The following RABGAP1L variants were observed in gnomAD, a reference collection of about 807,000 sequenced individuals.
RABGAP1L encodes the protein RAB GTPase activating protein 1 like, also known as rab GTPase-activating protein 1-like.
In RABGAP1L, 63 loss-of-function variants were observed where a neutral mutation model predicts 137.7. The ratio of observed to expected loss-of-function variants is 0.46; its 90% CI spans 0.37 to 0.56. RABGAP1L has a LOEUF of 0.56. Ranked by LOEUF, RABGAP1L falls within the 20% of genes least tolerant of loss-of-function variation. The pLI is 0.00. For synonymous variants in RABGAP1L, 431 were observed against 433.7 expected, an observed-to-expected ratio of 0.99 and a Z score of 0.08; for missense variants, 1,095 against 1,244.0, an observed-to-expected ratio of 0.88 and a Z score of 1.80.
chr1:174,315,325 C>T (rs985680177), intron 11 of RABGAP1L, among the ~76,000 whole-genome samples: 1 of 151,750 alleles, frequency 6.6e-6, no homozygotes, highest in African/African-American at 2.4e-5. Flanking sequence ...TGTTTGTTTT[C>T]TTGTTTCAGT....
chr1:174,891,603 T>A (rs542937832), intron 19 of RABGAP1L, among the ~76,000 whole-genome samples: 7 of 152,110 alleles, frequency 4.6e-5, no homozygotes, highest in Non-Finnish European at 8.8e-5. Context: ...AATTCCAGGT[T>A]TGATCCTCCC....
Position 174,448,803 on chromosome 1 carries a change from G to T in RABGAP1L, c.1710+54658G>T. 1 of 1,613,870 alleles carries T rather than the reference G, an allele frequency of 6.2e-7. No individual in the cohort carries two copies. ...TACTTCCACATTTTCAAAATTTGCCGTCAGCACACCAAAGAGATAAATGAC... is the reference window on the plus strand; with the variant it reads ...TACTTCCACATTTTCAAAATTTGCCTTCAGCACACCAAAGAGATAAATGAC... On this transcript the variant is annotated intron_variant, in intron 13 of 25. Transcript: ENST00000681986. This position sits in a 1 kb window ranked among gnomAD's most constrained non-coding sequence, Gnocchi z 4.2.
At chr1:174,370,087 C>T (rs371707735) in intron 11 of RABGAP1L, among the ~76,000 whole-genome samples, 15 of 152,136 alleles carry the variant, frequency 9.9e-5, no homozygotes, top group African/African-American at 3.6e-4. Flanking sequence ...CACAGATCCC[C>T]GTGGGAGCCA....
At chr1:174,929,726 T>C (rs560243403) in intron 19 of RABGAP1L, among the ~76,000 whole-genome samples, 1 of 149,018 alleles carries the variant, frequency 6.7e-6, no homozygotes, top group African/African-American at 2.5e-5. Flanking sequence ...CCAGCCTGGG[T>C]GACAGAGGGA....
At chr1:174,663,632 T>C (rs1676552947) in intron 14 of RABGAP1L, among the ~76,000 whole-genome samples, 1 of 152,212 alleles carries the variant, frequency 6.6e-6, no homozygotes, top group African/African-American at 2.4e-5. Context: ...TCCTCATTAT[T>C]TACAGATTCT....
intron 14 of RABGAP1L, among the ~76,000 whole-genome samples, chr1:174,664,730 C>CTTTT (rs747671420): frequency 0.044 from 4,315 of 97,924 alleles, 341 homozygotes; most frequent in Non-Finnish European, 0.053. Flanking sequence ...TTTCTTTCTG[C>CTTTT]TTTCTTTTTT....
At chr1:174,490,146 T>TA (rs1660084356) in intron 13 of RABGAP1L, among the ~76,000 whole-genome samples, 1 of 152,080 alleles carries the variant, frequency 6.6e-6, no homozygotes, top group South Asian at 2.1e-4. Context: ...TGGTTGTAGA[T>TA]ATTCTTTGGT....
chr1:174,165,716 C>T (rs1268584770), intron 1 of RABGAP1L, among the ~76,000 whole-genome samples: 1 of 151,136 alleles, frequency 6.6e-6, no homozygotes, highest in Non-Finnish European at 1.5e-5. Flanking sequence ...CCAGGCTGTT[C>T]TTGAACTTCT....
intron 13 of RABGAP1L, among the ~76,000 whole-genome samples, chr1:174,593,248 TTC>T: frequency 2.6e-5 from 1 of 38,458 alleles, no homozygotes; most frequent in Non-Finnish European, 4.4e-5. Flanking sequence ...CTCTCTTTTT[TTC>T]TTTATTAGTC....
intron 19 of RABGAP1L, among the ~76,000 whole-genome samples, chr1:174,913,527 G>A (rs1460208182): frequency 1.3e-5 from 2 of 152,124 alleles, no homozygotes; most frequent in Non-Finnish European, 2.9e-5. Flanking sequence ...AATATGTTTA[G>A]CAAAGCCTTA....
rs1025231390 is a variant in RABGAP1L, at chr1:174,694,085, G to A, written c.1900-5440G>A. Among the ~76,000 whole-genome samples the A allele has an allele frequency of 2.0e-5, 3 of 152,052 alleles. No individual in the cohort carries two copies. The East Asian group carries it at 5.8e-4, about 29-fold the overall frequency. The stretch of plus-strand genomic sequence containing the variant: ...TACATTGTATTAAGTATTATAAAGA[G>A]ATGATTTAAAGTAGATTACTAAAAT... On this transcript the variant is annotated intron_variant, in intron 15 of 25. Coordinates refer to ENST00000681986, the MANE Select transcript of RABGAP1L (RefSeq NM_001366446.1).
At chr1:174,989,774 G>A in intron 25 of RABGAP1L, 75 bp from the exon 26 acceptor site, 1 of 1,477,736 alleles carries the variant, frequency 6.8e-7, no homozygotes, top group Admixed American at 2.1e-5. Context: ...ACTCCAAAAA[G>A]CTGCACACTT....
intron 14 of RABGAP1L, among the ~76,000 whole-genome samples, chr1:174,682,970 T>C (rs893781119): frequency 6.6e-6 from 1 of 152,070 alleles, no homozygotes; most frequent in Non-Finnish European, 1.5e-5. Flanking sequence ...GTGGTATAGA[T>C]TGGAGAACCA....
intron 24 of RABGAP1L, among the ~76,000 whole-genome samples, chr1:174,986,890 TTTTAATCA>T (rs1343994093): frequency 6.6e-6 from 1 of 152,226 alleles, no homozygotes; most frequent in Non-Finnish European, 1.5e-5. Context: ...CTTGGTAAAC[TTTTAATCA>T]TTTAAGACTC....
intron 13 of RABGAP1L, among the ~76,000 whole-genome samples, chr1:174,616,796 C>T (rs543909212): frequency 1.6e-4 from 24 of 152,308 alleles, no homozygotes; most frequent in South Asian, 6.2e-4. Flanking sequence ...ACCAGTAATT[C>T]TCAAGTAACA....
At chr1:174,309,654 T>C (rs1055538119) in intron 11 of RABGAP1L, among the ~76,000 whole-genome samples, 5 of 152,156 alleles carry the variant, frequency 3.3e-5, no homozygotes, top group Non-Finnish European at 5.9e-5. Context: ...ATGCATTACA[T>C]TTACAGATTT....
chr1:174,403,629 A>G (rs1648905987), intron 13 of RABGAP1L, among the ~76,000 whole-genome samples: 1 of 152,150 alleles, frequency 6.6e-6, no homozygotes, highest in Non-Finnish European at 1.5e-5. Context: ...CATCATGAAC[A>G]ACAGTAATAG....
At chr1:174,327,992 T>TATATATAC (rs1680654701) in intron 11 of RABGAP1L, among the ~76,000 whole-genome samples, 2 of 57,614 alleles carry the variant, frequency 3.5e-5, no homozygotes, top group Admixed American at 1.5e-4. Context: ...CACACATATA[T>TATATATAC]ATATATATAT....
intron 13 of RABGAP1L, among the ~76,000 whole-genome samples, chr1:174,534,775 C>CAAAAAAAAAAAAAAAAAA (rs71117567): frequency 1.1e-3 from 77 of 71,622 alleles, no homozygotes; most frequent in East Asian, 2.3e-3. Context: ...ACTCTGTCTC[C>CAAAAAAAAAAAAAAAAAA]AAAAAAAAAA....
Sources: allele counts gnomAD v4.1 joint callset (sites outside exome capture counted in the v4.1 genomes callset), GRCh38; gene constraint gnomAD v4.1.1; non-coding constraint Gnocchi (gnomAD v3.1); transcripts MANE v1.5; gene names NCBI Gene and HGNC (gene_info 2026-07-23, HGNC 2026-07-21).